FGF2: variants seen among roughly 807,000 people sequenced by gnomAD.
FGF2 encodes basic fibroblast growth factor bFGF.
In FGF2, 13 loss-of-function variants were observed where a neutral mutation model predicts 15.9. The observed-to-expected ratio is 0.82, with a 90% CI of 0.53 to 1.30. The LOEUF (loss-of-function observed/expected upper bound fraction) is 1.30. FGF2 is among the 50% of genes most tolerant of loss of function. The pLI, the probability that FGF2 is intolerant of heterozygous loss-of-function variation, is 0.00. For missense variants in FGF2, 163 were observed against 196.9 expected (o/e 0.83, Z 1.03); for synonymous variants, 90 against 78.4 (o/e 1.15, Z -0.78).
chr4:122,850,956 T>C (rs1726219033), intron 1 of FGF2, among the ~76,000 whole-genome samples: 1 of 152,218 alleles, frequency 6.6e-6, no homozygotes, highest in Admixed American at 6.5e-5. Context: ...TAACTATGTC[T>C]TTTTAGTGTA....
At chr4:122,849,212 T>C (rs1726177080) in intron 1 of FGF2, among the ~76,000 whole-genome samples, 1 of 152,142 alleles carries the variant, frequency 6.6e-6, no homozygotes, top group African/African-American at 2.4e-5. Context: ...AAAGTGCCCA[T>C]CAATGATAGA....
At chr4:122,861,853 T>G (rs145397582) in intron 1 of FGF2, among the ~76,000 whole-genome samples, 1 of 152,176 alleles carries the variant, frequency 6.6e-6, no homozygotes, top group African/African-American at 2.4e-5. Context: ...GGAAGTTATA[T>G]AAGATGCTTT....
In FGF2 at chr4:122,826,847, C is replaced by G. The variant is rs765187923; in HGVS notation, c.-328C>G. ...CCGGCGGGTGCCAGATTAGCGGACG[C>G]GGTGCCCGCGGTTGCAACGGGATCC... On this transcript the variant is annotated 5_prime_UTR_variant, in exon 1 of 3. Coordinates refer to ENST00000644866, the MANE Select transcript of FGF2 (RefSeq NM_001361665.2). 2 of 1,493,302 alleles carry G rather than the reference C, an allele frequency of 1.3e-6. No homozygotes were observed. Among genetic ancestry groups the G allele is most frequent in the East Asian group, 2.8e-5 (1 of 36,006 alleles). The allele number at this position is 1,493,302 out of a possible 1,614,324, so 92.5% of individuals were successfully genotyped here. A position where few individuals can be genotyped will look rare whatever the true frequency, so the allele number is the denominator to read the frequency against.
intron 1 of FGF2, among the ~76,000 whole-genome samples, chr4:122,860,785 T>C (rs1052423256): frequency 2.6e-5 from 4 of 152,158 alleles, no homozygotes; most frequent in Non-Finnish European, 5.9e-5. Context: ...GGCACCTTTG[T>C]CAAAACTAAG....
At chr4:122,885,527 GT>G (rs1727038910) in intron 2 of FGF2, among the ~76,000 whole-genome samples, 1 of 152,126 alleles carries the variant, frequency 6.6e-6, no homozygotes, top group Non-Finnish European at 1.5e-5. Flanking sequence ...CCTAGAGTCA[GT>G]TTTGTAAAAA....
chr4:122,845,776 C>G (rs1490813937), intron 1 of FGF2, among the ~76,000 whole-genome samples: 2 of 152,162 alleles, frequency 1.3e-5, no homozygotes, highest in African/African-American at 2.4e-5. Context: ...CTGTTTGGAT[C>G]TTCTATCCAG....
rs1727219539 is a variant in FGF2 at position 122,892,680 on chromosome 4, T to C, written c.*284T>C. The C allele has an allele frequency of 3.6e-6, 5 of 1,374,614 alleles. No homozygotes were observed. Among genetic ancestry groups the C allele is most frequent in the Admixed American group, 3.0e-5 (1 of 33,770 alleles). 85.2% of individuals were successfully genotyped at this position (1,374,614 alleles called of 1,614,324 possible). A position where few individuals can be genotyped will look rare whatever the true frequency, so the allele number is the denominator to read the frequency against. On this transcript the variant is annotated 3_prime_UTR_variant, in exon 3 of 3. Coordinates refer to ENST00000644866, the MANE Select transcript of FGF2 (RefSeq NM_001361665.2). ...CATTTGCTTTATTCGAAAAGAGGCT[T>C]TTAAAATGTGCATGTTTAGAAACAA...
chr4:122,896,035 T>C lies in FGF2; in HGVS notation c.*3639T>C, dbSNP rs1727340199. 1 of 152,618 alleles carries C rather than the reference T, an allele frequency of 6.6e-6. No individual in the cohort carries two copies. The highest frequency in any genetic ancestry group is 6.5e-5 in the Admixed American group (1 of 15,280). 9.5% of individuals were successfully genotyped at this position (152,618 alleles called of 1,614,324 possible). A position where few individuals can be genotyped will look rare whatever the true frequency, so the allele number is the denominator to read the frequency against. On this transcript the variant is annotated 3_prime_UTR_variant, in exon 3 of 3. Transcript: ENST00000644866. ...TTTTCATTTCTAGCTGCTTTCAGGGTTTTATGAATTTTCAGGCAAAGCTTT... is the reference window on the plus strand; with the variant it reads ...TTTTCATTTCTAGCTGCTTTCAGGGCTTTATGAATTTTCAGGCAAAGCTTT...
rs114265088 is a variant in FGF2, at chr4:122,833,598, G to T, written c.178+6246G>T. The stretch of plus-strand genomic sequence containing the variant: ...GCTGGCACCTTAAGGTAGGAACCAT[G>T]ACTTCTTTATATAAATAAACATCAT... On this transcript the variant is annotated intron_variant, in intron 1 of 2. Coordinates refer to ENST00000644866, the MANE Select transcript of FGF2 (RefSeq NM_001361665.2). 2.4e-3 allele frequency among the ~76,000 whole-genome samples: 369 copies of T among 152,208 alleles called. 2 individuals are homozygous for T. The highest frequency in any genetic ancestry group is 8.1e-3 in the African/African-American group (337 of 41,524).
At chr4:122,854,842 C>G (rs1034870845) in intron 1 of FGF2, among the ~76,000 whole-genome samples, 1 of 152,142 alleles carries the variant, frequency 6.6e-6, no homozygotes. Flanking sequence ...TGTCTTAAGC[C>G]TGCTTTGAAA....
Position 122,898,024 on chromosome 4 carries a change from G to T in FGF2, c.*5628G>T. 1 of 192,950 alleles carries T rather than the reference G, an allele frequency of 5.2e-6. No individual in the cohort carries two copies. The highest frequency in any genetic ancestry group is 1.1e-5 in the Non-Finnish European group (1 of 94,740). The allele number at this position is 192,950 out of a possible 1,614,324, so 12.0% of individuals were successfully genotyped here. A position where few individuals can be genotyped will look rare whatever the true frequency, so the allele number is the denominator to read the frequency against. ...GCTAGTTAACTATGAACAGATAGAA[G>T]AATCTTACAGATGCTGCTATAAATA... On this transcript the variant is annotated 3_prime_UTR_variant, in exon 3 of 3. Coordinates refer to ENST00000644866, the MANE Select transcript of FGF2 (RefSeq NM_001361665.2).
chr4:122,837,187 T>A (rs377639341), intron 1 of FGF2, among the ~76,000 whole-genome samples: 1 of 152,310 alleles, frequency 6.6e-6, no homozygotes, highest in South Asian at 2.1e-4. Flanking sequence ...TGAAAAACTC[T>A]TAAGAGGATA....
At chr4:122,858,766 G>C (rs1165299750) in intron 1 of FGF2, among the ~76,000 whole-genome samples, 1 of 152,004 alleles carries the variant, frequency 6.6e-6, no homozygotes, top group Non-Finnish European at 1.5e-5. Context: ...TTCAGTGCCT[G>C]GTCTTCAGCA....
chr4:122,892,182 T>TAAC (rs754040104), intron 2 of FGF2, 29 bp from the exon 3 acceptor site: 51 of 1,519,448 alleles, frequency 3.4e-5, no homozygotes, highest in Admixed American at 8.4e-5. Context: ...ATGATAATAA[T>TAAC]AACAGGTAAT....
intron 1 of FGF2, among the ~76,000 whole-genome samples, chr4:122,855,889 C>G (rs1165184434): frequency 5.3e-5 from 8 of 152,120 alleles, no homozygotes; most frequent in Admixed American, 5.2e-4. Context: ...CAACAGGTAG[C>G]AAAAGTGATA....
intron 1 of FGF2, among the ~76,000 whole-genome samples, chr4:122,832,330 C>T (rs1033360504): frequency 1.3e-5 from 2 of 152,304 alleles, no homozygotes; most frequent in South Asian, 2.1e-4. Flanking sequence ...AATCTCAGCT[C>T]ACTACAACCT....
chr4:122,882,513 C>T (rs1402879498), intron 2 of FGF2: 1 of 152,168 alleles, frequency 6.6e-6, no homozygotes, highest in Non-Finnish European at 1.5e-5. Context: ...CTTAGCTAAG[C>T]AGGAACTTGT....
Position 122,876,425 on chromosome 4 carries a change from G to A in FGF2, c.282+1G>A. ...GGAAGATGGAAGATTACTGGCTTCT[G>A]TAAGCATACTTTCTGTTTTCACACG... On this transcript the variant is annotated splice_donor_variant, in intron 2 of 2. Transcript: ENST00000644866. LOFTEE classifies it high-confidence loss of function. 6.3e-7 allele frequency: 1 copy of A among 1,583,694 alleles called. No individual in the cohort carries two copies. The highest frequency in any genetic ancestry group is 8.7e-7 in the Non-Finnish European group (1 of 1,152,364).
At chr4:122,837,335 G>A (rs1725886814) in intron 1 of FGF2, among the ~76,000 whole-genome samples, 1 of 152,108 alleles carries the variant, frequency 6.6e-6, no homozygotes. Context: ...CAATTCATAA[G>A]TTTTTAGGTG....
Sources: allele counts gnomAD v4.1 joint callset (sites outside exome capture counted in the v4.1 genomes callset), GRCh38; gene constraint gnomAD v4.1.1; transcripts MANE v1.5; gene names NCBI Gene and HGNC (gene_info 2026-07-23, HGNC 2026-07-21).